ELP3: variants seen among roughly 807,000 people sequenced by gnomAD.
The protein encoded by ELP3 is elongator complex protein 3.
In ELP3, 56 loss-of-function variants were observed where a neutral mutation model predicts 74.9. The observed-to-expected ratio is 0.75, with a 90% CI of 0.60 to 0.93. ELP3 has a LOEUF of 0.93. Ranked by LOEUF, ELP3 falls within the 40% of genes least tolerant of loss-of-function variation. The pLI, the probability that ELP3 is intolerant of heterozygous loss-of-function variation, is 0.00. For synonymous variants in ELP3, 222 were observed against 239.8 expected (o/e 0.93, Z 0.68); for missense variants, 573 against 686.5 (o/e 0.83, Z 1.85).
intron 11 of ELP3, among the ~76,000 whole-genome samples, chr8:28,157,302 A>C (rs1244510120): frequency 2.0e-5 from 3 of 152,026 alleles, no homozygotes; most frequent in Non-Finnish European, 4.4e-5. Context: ...AAAAAAAAAA[A>C]AAACAGAAAC....
chr8:28,093,383 C>T (rs1294942399), intron 1 of ELP3, 150 bp downstream of exon 1: 1 of 1,069,884 alleles, frequency 9.3e-7, no homozygotes, highest in African/African-American at 1.6e-5. Flanking sequence ...ATTCTGGTCC[C>T]CGAGCCTTCT....
At chr8:28,156,281 G>C (rs1813825287) in intron 11 of ELP3, among the ~76,000 whole-genome samples, 1 of 152,104 alleles carries the variant, frequency 6.6e-6, no homozygotes, top group Admixed American at 6.5e-5. Flanking sequence ...CCCCACTCCA[G>C]TTTTTAAAAA....
intron 14 of ELP3, among the ~76,000 whole-genome samples, chr8:28,182,604 ACC>A (rs532061113): frequency 6.6e-6 from 1 of 150,954 alleles, no homozygotes; most frequent in East Asian, 1.9e-4. Flanking sequence ...TTCTCCACCC[ACC>A]CCCCCTTTTT....
intron 3 of ELP3, 37 bp downstream of exon 3, chr8:28,100,003 G>T: frequency 1.9e-6 from 3 of 1,613,554 alleles, no homozygotes; most frequent in Non-Finnish European, 2.5e-6. Context: ...GACACACTGG[G>T]TATCTGTTCT....
At chr8:28,162,393 A>G (rs775200487) in intron 14 of ELP3, among the ~76,000 whole-genome samples, 1 of 152,138 alleles carries the variant, frequency 6.6e-6, no homozygotes, top group Non-Finnish European at 1.5e-5. Flanking sequence ...GAATTTGATG[A>G]TATGGACAGG....
At chr8:28,168,689 G>A (rs1010218156) in intron 14 of ELP3, among the ~76,000 whole-genome samples, 1 of 152,204 alleles carries the variant, frequency 6.6e-6, no homozygotes, top group Non-Finnish European at 1.5e-5. Flanking sequence ...ACTACCAGCT[G>A]TCTATCAGAA....
intron 6 of ELP3, chr8:28,110,823 T>G (rs1275364806): frequency 1.1e-5 from 2 of 183,320 alleles, no homozygotes; most frequent in African/African-American, 4.8e-5. Flanking sequence ...GGCTCATGCC[T>G]GTAATCCCAA....
chr8:28,121,985 A>G (rs1295038043), intron 7 of ELP3, among the ~76,000 whole-genome samples: 1 of 152,198 alleles, frequency 6.6e-6, no homozygotes, highest in African/African-American at 2.4e-5. Context: ...TTATAGTTAC[A>G]TGTATTAGAT....
chr8:28,185,436 T>C (rs1241411322), intron 14 of ELP3, among the ~76,000 whole-genome samples: 1 of 152,230 alleles, frequency 6.6e-6, no homozygotes, highest in Non-Finnish European at 1.5e-5. Flanking sequence ...CAAACATTTA[T>C]TGCATCTTGA....
At chr8:28,181,691 G>T (rs1815016278) in intron 14 of ELP3, among the ~76,000 whole-genome samples, 2 of 152,220 alleles carry the variant, frequency 1.3e-5, no homozygotes, top group Admixed American at 1.3e-4. Flanking sequence ...AGTTGAGTGG[G>T]CCTACCCCAT....
At position 28,158,562 on chromosome 8, in the gene ELP3, T is replaced by TTTCAAGGAGAA; in HGVS notation, c.1192-6_1192-5insTTCAAGGAGAA. 1 of 1,611,764 alleles carries TTTCAAGGAGAA rather than the reference T, an allele frequency of 6.2e-7. No individual in the cohort carries two copies. The highest frequency in any genetic ancestry group is 1.1e-5 in the South Asian group (1 of 91,000). ...CAACCCCGCTCACGCCATTTTTTTT[T>TTTCAAGGAGAA]GACAGTGTCGAGATGTGAGAACCAG... On this transcript the variant is annotated splice_region_variant and splice_polypyrimidine_tract_variant and intron_variant, in intron 11 of 14. Transcript: ENST00000256398.
chr8:28,127,203 C>T (rs1471894477), intron 7 of ELP3, among the ~76,000 whole-genome samples: 1 of 152,146 alleles, frequency 6.6e-6, no homozygotes, highest in African/African-American at 2.4e-5. Context: ...GCAGTGTCCT[C>T]TGTATGTCCT....
intron 14 of ELP3, among the ~76,000 whole-genome samples, chr8:28,176,213 C>T (rs913461229): frequency 6.6e-6 from 1 of 152,038 alleles, no homozygotes; most frequent in Non-Finnish European, 1.5e-5. Context: ...CTATGATCAG[C>T]CTGTGACCTG....
At chr8:28,143,793 A>G (rs977714600) in intron 10 of ELP3, among the ~76,000 whole-genome samples, 3 of 152,222 alleles carry the variant, frequency 2.0e-5, no homozygotes, top group African/African-American at 7.2e-5. Flanking sequence ...GAGAAGGATT[A>G]CGCATGGTAA....
chr8:28,124,949 C>T (rs1812515053), intron 7 of ELP3, among the ~76,000 whole-genome samples: 1 of 152,140 alleles, frequency 6.6e-6, no homozygotes. Flanking sequence ...GACTTGACTA[C>T]CATCTCAAAA....
At chr8:28,124,375 T>A (rs1306445223) in intron 7 of ELP3, among the ~76,000 whole-genome samples, 1 of 152,152 alleles carries the variant, frequency 6.6e-6, no homozygotes, top group Non-Finnish European at 1.5e-5. Context: ...GTGTGTGATT[T>A]AGTTTCCTCA....
At chr8:28,139,325 T>C (rs997161430) in intron 10 of ELP3, among the ~76,000 whole-genome samples, 1 of 152,136 alleles carries the variant, frequency 6.6e-6, no homozygotes, top group African/African-American at 2.4e-5. Flanking sequence ...AGAAGTCAAT[T>C]ACAAAAGTTG....
At chr8:28,111,231 C>T (rs908022360) in intron 6 of ELP3, among the ~76,000 whole-genome samples, 27 of 152,302 alleles carry the variant, frequency 1.8e-4, no homozygotes, top group Admixed American at 5.2e-4. Context: ...ATCCATTGTA[C>T]ACTTAAAGTT....
intron 7 of ELP3, among the ~76,000 whole-genome samples, chr8:28,126,095 T>G (rs1371700016): frequency 6.6e-6 from 1 of 152,164 alleles, no homozygotes; most frequent in Non-Finnish European, 1.5e-5. Flanking sequence ...TTTCAGGGGC[T>G]TCCTGTCCAG....
Sources: gnomAD v4.1 joint callset for allele counts (sites outside exome capture counted in the v4.1 genomes callset) on GRCh38, gnomAD v4.1.1 for gene constraint, MANE v1.5 for transcripts, NCBI Gene and HGNC (gene_info 2026-07-23, HGNC 2026-07-21) for gene names.